Variants in RNF170 observed in about 807,000 individuals in gnomAD.
The protein encoded by RNF170 is E3 ubiquitin-protein ligase RNF170.
Under a neutral mutation model 32.7 loss-of-function variants are expected in RNF170, and 12 were observed. The observed-to-expected ratio is 0.37, with a 90% CI of 0.24 to 0.60. The LOEUF (loss-of-function observed/expected upper bound fraction) is 0.60, where lower values mean the gene tolerates loss of function less well. Ranked by LOEUF, RNF170 falls within the 20% of genes least tolerant of loss-of-function variation. The pLI, the probability that RNF170 is intolerant of heterozygous loss-of-function variation, is 0.72. For synonymous variants in RNF170, 91 were observed against 103.6 expected (o/e 0.88, Z 0.74); for missense variants, 212 against 311.2 (o/e 0.68, Z 2.40).
At chr8:42,857,502 C>T (rs1044007178) in intron 6 of RNF170, among the ~76,000 whole-genome samples, 4 of 152,174 alleles carry the variant, frequency 2.6e-5, no homozygotes, top group African/African-American at 9.7e-5. Flanking sequence ...ACTTGTAATA[C>T]AGTATCATCA....
chr8:42,881,927 C>T (rs1197080662), intron 2 of RNF170, among the ~76,000 whole-genome samples: 1 of 152,052 alleles, frequency 6.6e-6, no homozygotes, highest in Non-Finnish European at 1.5e-5. Context: ...AGAGTAAGAC[C>T]CTATCTCAAA....
chr8:42,873,474 CA>C (rs1304417116), intron 3 of RNF170, among the ~76,000 whole-genome samples: 1 of 151,726 alleles, frequency 6.6e-6, no homozygotes, highest in Non-Finnish European at 1.5e-5. Context: ...AAAGAACAAA[CA>C]GGAGAAAAGT....
chr8:42,867,784 A>AG (rs1804220123), intron 4 of RNF170, among the ~76,000 whole-genome samples: 2 of 150,160 alleles, frequency 1.3e-5, no homozygotes, highest in African/African-American at 4.9e-5. Context: ...TCAAAAAAAA[A>AG]AAAAAAAAAA....
chr8:42,869,388 T>G (rs1804355595), intron 4 of RNF170, among the ~76,000 whole-genome samples: 1 of 152,098 alleles, frequency 6.6e-6, no homozygotes, highest in South Asian at 2.1e-4. Context: ...AAATAAGTGG[T>G]GGAAAGCACT....
intron 5 of RNF170, among the ~76,000 whole-genome samples, chr8:42,864,800 A>AC (rs1554603911): frequency 6.6e-6 from 1 of 151,820 alleles, no homozygotes; most frequent in African/African-American, 2.4e-5. Context: ...AAGGAAAAAA[A>AC]TTTTTTTTCA....
chr8:42,888,698 T>C (rs1806041342), intron 1 of RNF170, among the ~76,000 whole-genome samples: 1 of 152,024 alleles, frequency 6.6e-6, no homozygotes, highest in African/African-American at 2.4e-5. Context: ...GCAGAGGTTG[T>C]AGTGAGGCCC....
chr8:42,870,122 A>AT lies in RNF170; in HGVS notation c.214-11_214-10insA. 1 of 1,572,654 alleles carries AT rather than the reference A, an allele frequency of 6.4e-7. No homozygotes were observed. Among genetic ancestry groups the AT allele is most frequent in the Non-Finnish European group, 8.8e-7 (1 of 1,142,586 alleles). ...TGGCAGCAGGTGCATCCTAATAAGA[A>AT]CACAGGTGCACACATTGGAACACAA... On this transcript the variant is annotated splice_polypyrimidine_tract_variant and intron_variant, in intron 3 of 6. Transcript: ENST00000527424.
chr8:42,863,367 C>A (rs1803802479), intron 5 of RNF170, among the ~76,000 whole-genome samples: 2 of 152,024 alleles, frequency 1.3e-5, no homozygotes, highest in South Asian at 4.2e-4. Context: ...TAATGTAAGA[C>A]CTACTCCCTA....
downstream of RNF170, chr8:42,850,708 TAAGGG>T (rs1802918547): frequency 6.6e-7 from 1 of 1,515,438 alleles, no homozygotes; most frequent in Non-Finnish European, 8.9e-7. Context: ...TGCCCTGGGG[TAAGGG>T]GAGGGGAGGG....
At chr8:42,850,420 G>A (rs1013952569), downstream of RNF170, 8 of 283,540 alleles carry the variant, frequency 2.8e-5, no homozygotes, top group Admixed American at 4.6e-5. Context: ...TAGGTGAGAA[G>A]TGAGGGTGGC....
At chr8:42,883,661 CT>C in intron 2 of RNF170, among the ~76,000 whole-genome samples, 1 of 148,416 alleles carries the variant, frequency 6.7e-6, no homozygotes, top group Admixed American at 6.7e-5. Flanking sequence ...AGAAGAATCA[CT>C]TGAGACCAGG....
At chr8:42,894,110 G>A (rs949504012) in intron 1 of RNF170, among the ~76,000 whole-genome samples, 1 of 152,222 alleles carries the variant, frequency 6.6e-6, no homozygotes, top group African/African-American at 2.4e-5. Context: ...CAGCCACATG[G>A]CTTCTGCAAT....
rs1032081723 is a variant in RNF170 at position 42,855,872 on chromosome 8, A to G, written c.*287T>C. 108 of 1,200,186 alleles carry G rather than the reference A, an allele frequency of 9.0e-5. No homozygotes were observed. Among genetic ancestry groups the G allele is most frequent in the Non-Finnish European group, 1.1e-4 (106 of 922,138 alleles). The allele number at this position is 1,200,186 out of a possible 1,614,324, so 74.3% of individuals were successfully genotyped here. On this transcript the variant is annotated 3_prime_UTR_variant, in exon 7 of 7. Transcript: ENST00000527424. ...GTAATTCTGGGGAAAAGAAAAATAT[A>G]TAAAAGCATCCCTTTTTATATAATT... is the stretch of plus-strand genomic sequence containing the variant.
chr8:42,851,794 C>A (rs914233642), downstream of RNF170, among the ~76,000 whole-genome samples: 1 of 152,154 alleles, frequency 6.6e-6, no homozygotes, highest in African/African-American at 2.4e-5. Flanking sequence ...TGCACCACCA[C>A]GTCTGGCTAA....
At chr8:42,856,509 T>A in intron 6 of RNF170, 81 bp from the exon 7 acceptor site, 2 of 994,822 alleles carry the variant, frequency 2.0e-6, no homozygotes, top group Non-Finnish European at 3.1e-6. Flanking sequence ...TTACTATATG[T>A]AAACATTGTT....
At position 42,855,675 on chromosome 8, in the gene RNF170, C is replaced by T. The variant is rs1424905734; in HGVS notation, c.*484G>A. ...ACTGCTCCAAATGCACAAAACTTAGCTAGCACTAAAAGAAATACTGAATTT... is the reference window on the plus strand; with the variant it reads ...ACTGCTCCAAATGCACAAAACTTAGTTAGCACTAAAAGAAATACTGAATTT... On this transcript the variant is annotated 3_prime_UTR_variant, in exon 7 of 7. Coordinates refer to ENST00000527424, the MANE Select transcript of RNF170 (RefSeq NM_030954.4). 1.6e-6 allele frequency: 2 copies of T among 1,282,774 alleles called. No individual in the cohort carries two copies. The highest frequency in any genetic ancestry group is 2.5e-5 in the South Asian group (2 of 80,070). The allele number at this position is 1,282,774 out of a possible 1,614,324, so 79.5% of individuals were successfully genotyped here. A position where few individuals can be genotyped will look rare whatever the true frequency, so the allele number is the denominator to read the frequency against.
At chr8:42,864,225 C>G (rs1803919464) in intron 5 of RNF170, among the ~76,000 whole-genome samples, 1 of 151,784 alleles carries the variant, frequency 6.6e-6, no homozygotes, top group Non-Finnish European at 1.5e-5. Flanking sequence ...TCCCAAGTAG[C>G]TGGGACTACA....
chr8:42,858,931 C>G (rs1004248945), intron 6 of RNF170, among the ~76,000 whole-genome samples: 3 of 152,176 alleles, frequency 2.0e-5, no homozygotes, highest in Non-Finnish European at 4.4e-5. Flanking sequence ...GCCTGTAATC[C>G]CACCACTTTG....
intron 1 of RNF170, among the ~76,000 whole-genome samples, chr8:42,894,947 T>A (rs1317099258): frequency 6.6e-6 from 1 of 152,074 alleles, no homozygotes; most frequent in Admixed American, 6.5e-5. Context: ...TAAGTTTTTT[T>A]TTTTTTACAC....
Sources: allele counts gnomAD v4.1 joint callset (sites outside exome capture counted in the v4.1 genomes callset), GRCh38; gene constraint gnomAD v4.1.1; transcripts MANE v1.5; gene names NCBI Gene and HGNC (gene_info 2026-07-23, HGNC 2026-07-21).